VRK3: variants seen among roughly 807,000 people sequenced by gnomAD.
The protein encoded by VRK3 is VRK serine/threonine kinase 3.
In VRK3, 50 loss-of-function variants were observed where a neutral mutation model predicts 60.4. The ratio of observed to expected loss-of-function variants is 0.83; its 90% confidence interval spans 0.66 to 1.05. The LOEUF (loss-of-function observed/expected upper bound fraction) is 1.05. VRK3 is among the 50% of genes least tolerant of loss of function. The pLI, the probability that VRK3 is intolerant of heterozygous loss-of-function variation, is 0.00. For synonymous variants in VRK3, 246 were observed against 227.8 expected, an observed-to-expected ratio of 1.08 and a Z score of -0.72; for missense variants, 549 against 585.3, an observed-to-expected ratio of 0.94 and a Z score of 0.64.
chr19:49,981,724 A>T, intron 12 of VRK3: 3 of 1,003,694 alleles, frequency 3.0e-6, no homozygotes, highest in Non-Finnish European at 3.6e-6. Flanking sequence ...AGATTTTATT[A>T]CTTACAGGTC....
rs199857130 is a variant in VRK3 at position 50,004,263 on chromosome 19, TC to T, written c.547+3305del. Among the ~76,000 whole-genome samples, 943 of 152,094 alleles carry T rather than the reference TC, an allele frequency of 6.2e-3. 7 individuals are homozygous for T. Among genetic ancestry groups the T allele is most frequent in the African/African-American group, 0.021 (856 of 41,478 alleles). On this transcript the variant is annotated intron_variant, in intron 5 of 14. Coordinates refer to ENST00000316763, the MANE Select transcript of VRK3 (RefSeq NM_016440.4). ...GGCTCTGTGTGTTTTCCTCTCCTTC[TC>T]CCTCTTCCTTCCCCGCCCTCCTGCC...
rs569454836 is a variant in VRK3 at position 49,991,142 on chromosome 19, A to T, written c.964-1371T>A. ...CTTGACTGGGCCATGGGGTGCCCAG[A>T]CATTTGGCCAAACCCTATTCTGGGA... On this transcript the variant is annotated intron_variant, in intron 10 of 14. Coordinates refer to ENST00000316763, the MANE Select transcript of VRK3 (RefSeq NM_016440.4). Among the ~76,000 whole-genome samples, 9 of 152,240 alleles carry T rather than the reference A, an allele frequency of 5.9e-5. No homozygotes were observed. In the East Asian group the frequency reaches 1.7e-3, roughly 29 times the overall value.
At chr19:50,016,605 G>T (rs753509467) in intron 2 of VRK3, among the ~76,000 whole-genome samples, 1 of 152,132 alleles carries the variant, frequency 6.6e-6, no homozygotes, top group African/African-American at 2.4e-5. Flanking sequence ...CTGCTGTATT[G>T]AGCCACCAAG....
chr19:50,009,513 T>C lies in VRK3; in HGVS notation c.140-128A>G, dbSNP rs1398484803. On this transcript the variant is annotated intron_variant, in intron 3 of 14. Transcript: ENST00000316763. The stretch of plus-strand genomic sequence containing the variant: ...TTGGCCCTCAACACCAATTCTTGCT[T>C]CTTCTATTATGTAAATATATGAGCA... 3.8e-6 allele frequency: 4 copies of C among 1,066,022 alleles called. No homozygotes were observed. The South Asian group carries it at 5.0e-5, about 13-fold the overall frequency. 66.0% of individuals were successfully genotyped at this position (1,066,022 alleles called of 1,614,324 possible). A position where few individuals can be genotyped will look rare whatever the true frequency, so the allele number is the denominator to read the frequency against.
intron 2 of VRK3, among the ~76,000 whole-genome samples, chr19:50,017,936 T>C (rs1416860369): frequency 6.6e-6 from 1 of 152,172 alleles, no homozygotes; most frequent in Non-Finnish European, 1.5e-5. Context: ...GCTGGGATTG[T>C]AGGCATGAGC....
At position 50,019,746 on chromosome 19, in the gene VRK3, C is replaced by CCCT. The variant is rs544292862; in HGVS notation, c.-2+836_-2+838dup. 2.8e-4 allele frequency among the ~76,000 whole-genome samples: 36 copies of CCCT among 126,668 alleles called. No individual in the cohort carries two copies. In the East Asian group the frequency reaches 6.4e-3, roughly 22 times the overall value. 83.1% of individuals were successfully genotyped at this position (126,668 alleles called of 152,430 possible). On this transcript the variant is annotated intron_variant, in intron 2 of 14. Coordinates refer to ENST00000316763, the MANE Select transcript of VRK3 (RefSeq NM_016440.4). The stretch of plus-strand genomic sequence containing the variant: ...GTAGAGATGGGGTCTTGCTATGTTG[C>CCCT]CCTGGTCTCGAACTGCTGAGCTCAA...
At chr19:50,012,096 C>G (rs952631600) in intron 3 of VRK3, among the ~76,000 whole-genome samples, 4 of 152,186 alleles carry the variant, frequency 2.6e-5, no homozygotes, top group South Asian at 2.1e-4. Context: ...CTCAGCCTCC[C>G]GAGTAGCTGG....
At chr19:49,979,502 A>C (rs944663845) in intron 13 of VRK3, among the ~76,000 whole-genome samples, 2 of 152,226 alleles carry the variant, frequency 1.3e-5, no homozygotes, top group Admixed American at 6.5e-5. Flanking sequence ...GGATCACCTC[A>C]CAGCCAATCT....
chr19:49,980,073 TA>T (rs1369664808), intron 13 of VRK3, among the ~76,000 whole-genome samples: 1 of 148,994 alleles, frequency 6.7e-6, no homozygotes, highest in African/African-American at 2.6e-5. Flanking sequence ...AAATAAATTT[TA>T]AAAAAATAAA....
chr19:49,991,923 G>C (rs529241432), intron 10 of VRK3, among the ~76,000 whole-genome samples: 4 of 152,300 alleles, frequency 2.6e-5, no homozygotes, highest in South Asian at 2.1e-4. Flanking sequence ...TTGGGTTTCT[G>C]TCATTTGTAA....
rs201178243 is a variant in VRK3 at position 49,979,180 on chromosome 19, C to T, written c.1339G>A (p.Ala447Thr). 14 of 1,614,032 alleles carry T rather than the reference C, an allele frequency of 8.7e-6. No homozygotes were observed. The East Asian group carries it at 8.9e-5, about 10-fold the overall frequency. Reference protein sequence around the residue: ...ALTYEEKPPYAMLRNNLEALL... With the variant: ...ALTYEEKPPYTMLRNNLEALL... ...GCTTCTAGGTTGTTCCTCAGCATGGCGTAGGGCGGCTTCTCCTCATACGTG... is the reference window on the plus strand; with the variant it reads ...GCTTCTAGGTTGTTCCTCAGCATGGTGTAGGGCGGCTTCTCCTCATACGTG... Residue 447 changes from alanine (A) to threonine (T), a missense_variant, in exon 14 of 15, where the codon GCC (alanine) becomes ACC (threonine). Ala to Thr is a moderately conservative substitution (Grantham distance 58). Transcript: ENST00000316763.
intron 8 of VRK3, 105 bp from the exon 9 acceptor site, chr19:49,995,024 G>C (rs908246015): frequency 7.7e-7 from 1 of 1,305,568 alleles, no homozygotes; most frequent in Non-Finnish European, 1.1e-6. Flanking sequence ...CTGGTCCCAG[G>C]TGAGATCAAA....
At chr19:50,010,923 C>T (rs994086905) in intron 3 of VRK3, among the ~76,000 whole-genome samples, 31 of 151,748 alleles carry the variant, frequency 2.0e-4, no homozygotes, top group African/African-American at 6.8e-4. Flanking sequence ...AAAACAAAAA[C>T]AAAAACAAAA....
intron 2 of VRK3, among the ~76,000 whole-genome samples, chr19:50,020,041 T>C (rs2122668717): frequency 6.8e-6 from 1 of 147,718 alleles, no homozygotes; most frequent in East Asian, 1.9e-4. Context: ...CACACCCAGC[T>C]AATTTTTTTT....
At chr19:49,986,868 T>A (rs1013415452) in intron 12 of VRK3, 3 of 152,328 alleles carry the variant, frequency 2.0e-5, no homozygotes, top group Non-Finnish European at 4.4e-5. Flanking sequence ...CAGACGTAGA[T>A]GGCCAGCTGC....
intron 12 of VRK3, 118 bp from the exon 13 acceptor site, chr19:49,981,131 C>T: frequency 1.1e-6 from 1 of 948,224 alleles, no homozygotes; most frequent in Non-Finnish European, 1.6e-6. Context: ...CTCTGCCATC[C>T]AGGGAAGTTA....
chr19:50,013,649 C>T (rs1210388022), intron 3 of VRK3, among the ~76,000 whole-genome samples: 2 of 152,216 alleles, frequency 1.3e-5, no homozygotes, highest in Non-Finnish European at 2.9e-5. Flanking sequence ...AGACCTACTA[C>T]TGATATTTAA....
intron 2 of VRK3, among the ~76,000 whole-genome samples, chr19:50,017,340 C>T (rs913456410): frequency 5.9e-5 from 9 of 151,880 alleles, no homozygotes; most frequent in South Asian, 2.1e-4. Flanking sequence ...TTTGGAAGGT[C>T]GAGGTGGGCG....
chr19:50,015,287 A>T (rs1302341836), intron 3 of VRK3, among the ~76,000 whole-genome samples: 3 of 152,030 alleles, frequency 2.0e-5, no homozygotes, highest in African/African-American at 7.3e-5. Context: ...CTCAAGGGAA[A>T]TTTCACTGGA....
Sources: allele counts gnomAD v4.1 joint callset (sites outside exome capture counted in the v4.1 genomes callset), GRCh38; gene constraint gnomAD v4.1.1; transcripts MANE v1.5; gene names NCBI Gene and HGNC (gene_info 2026-07-23, HGNC 2026-07-21).